Variants in CPEB2 observed in about 807,000 individuals in gnomAD.
CPEB2 encodes cytoplasmic polyadenylation element binding protein 2, also known as cytoplasmic polyadenylation element-binding protein 2.
CPEB2 carries 56 observed loss-of-function variants against 93.6 expected under a neutral mutation model. That is an observed-to-expected ratio of 0.60 (90% CI 0.48 to 0.75). The LOEUF (loss-of-function observed/expected upper bound fraction) is 0.75, where lower values mean the gene tolerates loss of function less well. Ranked by LOEUF, CPEB2 falls within the 30% of genes least tolerant of loss-of-function variation. The pLI is 0.00. For missense variants in CPEB2, 1,579 were observed against 1,395.1 expected, an observed-to-expected ratio of 1.13 and a Z score of -2.10; for synonymous variants, 764 against 586.3, an observed-to-expected ratio of 1.30 and a Z score of -4.38.
intron 1 of CPEB2, 33 bp downstream of exon 1, chr4:15,004,368 G>A (rs979856384): frequency 1.3e-4 from 182 of 1,390,814 alleles, no homozygotes; most frequent in Non-Finnish European, 1.5e-4. Context: ...CGCGCCGCGG[G>A]ACCGGGAGAC....
intron 3 of CPEB2, among the ~76,000 whole-genome samples, chr4:15,016,513 C>G (rs2108985921): frequency 6.6e-6 from 1 of 152,066 alleles, no homozygotes; most frequent in Non-Finnish European, 1.5e-5. Flanking sequence ...TGCTTTTACT[C>G]TTCTCTCCTC....
At chr4:15,052,072 T>C (rs1728284543) in intron 6 of CPEB2, among the ~76,000 whole-genome samples, 1 of 152,156 alleles carries the variant, frequency 6.6e-6, no homozygotes, top group Non-Finnish European at 1.5e-5. Flanking sequence ...GCCACCAGTT[T>C]CTGAAAAGTT....
In CPEB2 at chr4:15,069,954, C is replaced by T. The variant is rs1345455794; in HGVS notation, c.*3574C>T. 1 of 151,628 alleles carries T rather than the reference C, an allele frequency of 6.6e-6. No individual in the cohort carries two copies. The highest frequency in any genetic ancestry group is 2.0e-4 in the East Asian group (1 of 5,090). 9.4% of individuals were successfully genotyped at this position (151,628 alleles called of 1,614,324 possible). ...CATGCTTTTATGGACACTAGGTAAACACCTTCAGCTTAAATTTTTCGTTAA... is the reference window on the plus strand; with the variant it reads ...CATGCTTTTATGGACACTAGGTAAATACCTTCAGCTTAAATTTTTCGTTAA... On this transcript the variant is annotated 3_prime_UTR_variant, in exon 12 of 12. Coordinates refer to ENST00000538197, the MANE Select transcript of CPEB2 (RefSeq NM_001177382.2).
rs1320980057 is a variant in CPEB2 at position 15,002,934 on chromosome 4, G to A, written c.261G>A (p.Leu87=). The A allele has an allele frequency of 3.1e-5, 47 of 1,515,724 alleles. No individual in the cohort carries two copies. Among genetic ancestry groups the A allele is most frequent in the Admixed American group, 6.8e-5 (3 of 44,188 alleles). The allele number at this position is 1,515,724 out of a possible 1,614,324, so 93.9% of individuals were successfully genotyped here. A position where few individuals can be genotyped will look rare whatever the true frequency, so the allele number is the denominator to read the frequency against. ...AAAASSSSPF[L]AHQQTMQDEL... The stretch of plus-strand genomic sequence containing the variant: ...CCGCTTCCTCTTCCTCCCCGTTCCT[G>A]GCGCATCAGCAGACCATGCAGGATG... Residue 87 remains leucine (L), a synonymous_variant, in exon 1 of 12, where the codon CTG becomes CTA. Transcript: ENST00000538197.
At position 15,069,580 on chromosome 4, in the gene CPEB2, G is replaced by A. The variant is rs1729942364; in HGVS notation, c.*3200G>A. The A allele has an allele frequency of 6.6e-6, 1 of 151,086 alleles. No homozygotes were observed. The highest frequency in any genetic ancestry group is 2.0e-4 in the East Asian group (1 of 5,084). The allele number at this position is 151,086 out of a possible 1,614,324, so 9.4% of individuals were successfully genotyped here. A position where few individuals can be genotyped will look rare whatever the true frequency, so the allele number is the denominator to read the frequency against. ...TGCATATTTCTATTTTGTTTTTTTG[G>A]GTTTTATTTTATTTTAATAGTAGTA... On this transcript the variant is annotated 3_prime_UTR_variant, in exon 12 of 12. Coordinates refer to ENST00000538197, the MANE Select transcript of CPEB2 (RefSeq NM_001177382.2).
rs190464074 is a variant in CPEB2 at position 15,066,413 on chromosome 4, A to G, written c.*33A>G. ...AAACTGGCCTCTGTTTAACAAGGAAAGAAAGGGTGCATGTGGCTTACTGTG... is the reference window on the plus strand; with the variant it reads ...AAACTGGCCTCTGTTTAACAAGGAAGGAAAGGGTGCATGTGGCTTACTGTG... On this transcript the variant is annotated 3_prime_UTR_variant, in exon 12 of 12. Transcript: ENST00000538197. The G allele has an allele frequency of 7.3e-5, 108 of 1,479,786 alleles. No individual in the cohort carries two copies. The African/African-American group carries it at 1.3e-3, about 18-fold the overall frequency. The allele number at this position is 1,479,786 out of a possible 1,614,324, so 91.7% of individuals were successfully genotyped here.
intron 4 of CPEB2, among the ~76,000 whole-genome samples, chr4:15,023,730 T>C (rs1725048844): frequency 1.3e-5 from 2 of 151,886 alleles, no homozygotes; most frequent in Non-Finnish European, 2.9e-5. Context: ...TCCTGCTCCT[T>C]ACTGGTAGCC....
At position 15,068,261 on chromosome 4, in the gene CPEB2, ACT is replaced by A. The variant is rs948549771; in HGVS notation, c.*1884_*1885del. On this transcript the variant is annotated 3_prime_UTR_variant, in exon 12 of 12. Transcript: ENST00000538197. ...TGTAAAAATATGTGGTTCATGTCTA[ACT>A]CTGCTGTTTTATTGTGGTTGTGGTT... The A allele has an allele frequency of 6.6e-6, 1 of 152,020 alleles. No homozygotes were observed. The highest frequency in any genetic ancestry group is 1.5e-5 in the Non-Finnish European group (1 of 67,776). 9.4% of individuals were successfully genotyped at this position (152,020 alleles called of 1,614,324 possible). A position where few individuals can be genotyped will look rare whatever the true frequency, so the allele number is the denominator to read the frequency against.
chr4:15,008,397 C>T lies in CPEB2; in HGVS notation c.2004C>T (p.Cys668=), dbSNP rs1723088414. ...WGSDSLQDSW[C]TAAGTSRIDQ... is the part of the protein sequence containing the mutation. ...CAGATTCACTCCAAGATAGTTGGTG[C>T]ACTGCAGCCGGAACATCCAGAATAG... Residue 668 remains cysteine, a synonymous_variant, in exon 3 of 12, where the codon TGC becomes TGT. Coordinates refer to ENST00000538197, the MANE Select transcript of CPEB2 (RefSeq NM_001177382.2). The T allele has an allele frequency of 1.2e-6, 2 of 1,613,658 alleles. No homozygotes were observed. The highest frequency in any genetic ancestry group is 1.7e-6 in the Non-Finnish European group (2 of 1,179,682).
At chr4:15,034,707 G>A (rs551296337) in intron 5 of CPEB2, among the ~76,000 whole-genome samples, 1 of 152,016 alleles carries the variant, frequency 6.6e-6, no homozygotes, top group African/African-American at 2.4e-5. Context: ...AACTTTTTTC[G>A]GATCATTGGT....
At chr4:15,046,023 T>C (rs116125499) in intron 6 of CPEB2, among the ~76,000 whole-genome samples, 4,153 of 152,294 alleles carry the variant, frequency 0.027, 89 homozygotes, top group South Asian at 0.14. Flanking sequence ...GTTTGAGTTA[T>C]ACATTTGGTA....
At position 15,022,829 on chromosome 4, in the gene CPEB2, A is replaced by G. The variant is rs1487043262; in HGVS notation, c.2125+5551A>G. ...ATGAGTTTGACTGGTAATTGAGAAT[A>G]TCTATAGATTGAAAAGGAAATGATA... On this transcript the variant is annotated intron_variant, in intron 4 of 11. Transcript: ENST00000538197. Among the ~76,000 whole-genome samples the G allele has an allele frequency of 2.0e-5, 3 of 152,134 alleles. No individual in the cohort carries two copies. The East Asian group carries it at 5.8e-4, about 29-fold the overall frequency.
At chr4:15,022,945 A>G (rs1188307656) in intron 4 of CPEB2, among the ~76,000 whole-genome samples, 1 of 152,050 alleles carries the variant, frequency 6.6e-6, no homozygotes, top group African/African-American at 2.4e-5. Context: ...TCCTTTTTAC[A>G]TAGTTGCCTT....
At chr4:15,009,081 G>GA (rs896507722) in intron 3 of CPEB2, among the ~76,000 whole-genome samples, 31 of 152,136 alleles carry the variant, frequency 2.0e-4, no homozygotes, top group Admixed American at 2.0e-3. Context: ...AACTGAATTT[G>GA]AATGTATACT....
chr4:15,050,403 T>G (rs764333807), intron 6 of CPEB2, among the ~76,000 whole-genome samples: 14 of 152,192 alleles, frequency 9.2e-5, no homozygotes, highest in Non-Finnish European at 1.9e-4. Context: ...TGGGGATCGC[T>G]GCTATAGATT....
At chr4:15,063,329 G>GT (rs141139959) in intron 11 of CPEB2, among the ~76,000 whole-genome samples, 5,782 of 150,074 alleles carry the variant, frequency 0.039, 363 homozygotes, top group African/African-American at 0.14. Context: ...TGCAGAGTAG[G>GT]TTTTTTTTGT....
chr4:15,024,932 G>T (rs928345850), intron 4 of CPEB2, among the ~76,000 whole-genome samples: 1 of 151,786 alleles, frequency 6.6e-6, no homozygotes, highest in African/African-American at 2.4e-5. Context: ...TTTCAGTAGA[G>T]ACGGGGTTTC....
intron 4 of CPEB2, among the ~76,000 whole-genome samples, chr4:15,026,650 G>A (rs1256208462): frequency 2.0e-5 from 3 of 152,082 alleles, no homozygotes; most frequent in Admixed American, 6.6e-5. Context: ...CAAATAGGAG[G>A]AGCCCAGTAA....
intron 8 of CPEB2, among the ~76,000 whole-genome samples, chr4:15,055,723 T>A (rs985764161): frequency 1.1e-4 from 16 of 152,280 alleles, no homozygotes; most frequent in South Asian, 8.3e-4. Flanking sequence ...ATGCATTCCT[T>A]CTGCCTGGCC....
Sources: gnomAD v4.1 joint callset for allele counts (sites outside exome capture counted in the v4.1 genomes callset) on GRCh38, gnomAD v4.1.1 for gene constraint, MANE v1.5 for transcripts, NCBI Gene and HGNC (gene_info 2026-07-23, HGNC 2026-07-21) for gene names.